The following PRPF4 variants were observed in gnomAD, a reference collection of about 807,000 sequenced individuals.
PRPF4 encodes pre-mRNA splicing tri-snRNP complex factor PRPF4.
Under a neutral mutation model 72.2 loss-of-function variants are expected in PRPF4, and 14 were observed. That is an observed-to-expected ratio of 0.19 (90% CI 0.13 to 0.30). The LOEUF is 0.30. Among genes scored for constraint, PRPF4 ranks in the 10% least tolerant of loss-of-function variants. PRPF4 has a pLI of 1.00. For missense variants in PRPF4, 478 were observed against 653.9 expected, an observed-to-expected ratio of 0.73 and a Z score of 2.93; for synonymous variants, 225 against 232.2, an observed-to-expected ratio of 0.97 and a Z score of 0.28.
intron 10 of PRPF4, 59 bp from the exon 11 acceptor site, chr9:113,290,407 T>C: frequency 1.9e-6 from 3 of 1,609,196 alleles, no homozygotes; most frequent in Non-Finnish European, 2.5e-6. Context: ...GAATACTTTA[T>C]GTGTTGTAGA....
At chr9:113,283,352 C>A in intron 5 of PRPF4, 37 bp from the exon 6 acceptor site, 1 of 1,613,744 alleles carries the variant, frequency 6.2e-7, no homozygotes, top group Non-Finnish European at 8.5e-7. Flanking sequence ...TTGTTTACAA[C>A]CCTGTTGCTC....
Position 113,285,344 on chromosome 9 carries a change from T to A in PRPF4, c.750-888T>A, listed in dbSNP as rs1273229752. 1.6e-3 allele frequency among the ~76,000 whole-genome samples: 7 copies of A among 4,346 alleles called. No homozygotes were observed. The East Asian group carries it at 0.036, about 22-fold the overall frequency. 2.9% of individuals were successfully genotyped at this position (4,346 alleles called of 152,430 possible). On this transcript the variant is annotated intron_variant, in intron 7 of 13. Transcript: ENST00000374198. ...AATAGTGAGACCCTGTCTCTACAAA[T>A]TTTTTTTTTTTTTTTTTTTTTTTTT...
chr9:113,291,393 C>T (rs1329611037), intron 13 of PRPF4, 74 bp from the exon 14 acceptor site: 40 of 1,428,384 alleles, frequency 2.8e-5, no homozygotes, highest in Non-Finnish European at 3.7e-5. Context: ...TATGTTTTTG[C>T]AGACTTTTGT....
At position 113,288,520 on chromosome 9, in the gene PRPF4, G is replaced by A. The variant is rs534141544; in HGVS notation, c.1022+256G>A. Among the ~76,000 whole-genome samples the A allele has an allele frequency of 2.5e-3, 384 of 150,694 alleles. 1 individual carries two copies. Among genetic ancestry groups the A allele is most frequent in the African/African-American group, 9.1e-3 (372 of 41,010 alleles). ...GGCGCGATCTCGGCTCACTGCAACC[G>A]CCGTCTCCCGGGTTCAAGCAATTCT... On this transcript the variant is annotated intron_variant, in intron 10 of 13. Coordinates refer to ENST00000374198, the MANE Select transcript of PRPF4 (RefSeq NM_001244926.2).
At chr9:113,290,628 CT>C in intron 11 of PRPF4, 40 bp downstream of exon 11, 1 of 1,614,112 alleles carries the variant, frequency 6.2e-7, no homozygotes, top group Non-Finnish European at 8.5e-7. Flanking sequence ...GTTCAGTACT[CT>C]CACCTCTTAC....
At chr9:113,276,758 C>G (rs760490257) in intron 2 of PRPF4, 33 bp downstream of exon 2, 3 of 1,568,600 alleles carry the variant, frequency 1.9e-6, no homozygotes, top group South Asian at 1.2e-5. Context: ...ATCTTTACCT[C>G]TTTGTGTAAT....
chr9:113,279,164 A>G lies in PRPF4; in HGVS notation c.392+33A>G, dbSNP rs746410690. The G allele has an allele frequency of 1.7e-5, 26 of 1,575,048 alleles. No individual in the cohort carries two copies. The South Asian group carries it at 3.0e-4, about 18-fold the overall frequency. On this transcript the variant is annotated intron_variant, in intron 3 of 13. Transcript: ENST00000374198. ...TTCTAAATATTTACTTTTTTTCTTT[A>G]TTATAATCACAGGGTTCTACTCCAA...
At chr9:113,277,800 A>G (rs1309338790) in intron 2 of PRPF4, among the ~76,000 whole-genome samples, 1 of 152,140 alleles carries the variant, frequency 6.6e-6, no homozygotes, top group Non-Finnish European at 1.5e-5. Flanking sequence ...CCAGGAATCC[A>G]AGACCAGCCT....
In PRPF4 at chr9:113,288,182, C is replaced by A. The variant is rs1405785416; in HGVS notation, c.940C>A (p.Pro314Thr). The A allele has an allele frequency of 1.4e-5, 23 of 1,614,126 alleles. No individual in the cohort carries two copies. Among genetic ancestry groups the A allele is most frequent in the Non-Finnish European group, 1.9e-5 (23 of 1,179,990 alleles). The change falls in exon 10 of 14, where the codon CCA (proline) becomes ACA (threonine). Residue 314 changes from proline (P) to threonine (T), a missense_variant. Coordinates refer to ENST00000374198, the MANE Select transcript of PRPF4 (RefSeq NM_001244926.2). ...VKLWSLDSDE[P>T]VADIEGHTVR... ...TGTTTGGTTCCTTTCCAGTGATGAA[C>A]CAGTGGCAGATATTGAAGGCCATAC...
rs766838851 is a variant in PRPF4, at chr9:113,291,617, C to G, written c.1523C>G (p.Thr508Ser). The change falls in exon 14 of 14, where the codon ACT (threonine) becomes AGT (serine). Residue 508 changes from threonine to serine, a missense_variant. Thr to Ser is a moderately conservative substitution (Grantham distance 58). Transcript: ENST00000374198. Reference sequence around the variant, plus strand: ...TCTTCCGATGGGCAGCTCATAGCCACTTGCTCATATGACAGGACCTTCAAG... The same window carrying G: ...TCTTCCGATGGGCAGCTCATAGCCAGTTGCTCATATGACAGGACCTTCAAG... ...DISSDGQLIA[T>S]CSYDRTFKLW... 8 of 1,614,214 alleles carry G rather than the reference C, an allele frequency of 5.0e-6. No individual in the cohort carries two copies. The Admixed American group carries it at 8.3e-5, about 17-fold the overall frequency.
In PRPF4 at chr9:113,291,894, G is replaced by A. The variant is rs1486844304; in HGVS notation, c.*234G>A. On this transcript the variant is annotated 3_prime_UTR_variant, in exon 14 of 14. Transcript: ENST00000374198. ...TTATTACCTTTTTACGCCCTGCCAC[G>A]AACTGTGTAGACATTGTTTTTATTA... 12 of 466,964 alleles carry A rather than the reference G, an allele frequency of 2.6e-5. No individual in the cohort carries two copies. The highest frequency in any genetic ancestry group is 1.3e-4 in the South Asian group (5 of 39,714). 28.9% of individuals were successfully genotyped at this position (466,964 alleles called of 1,614,324 possible).
chr9:113,285,940 T>C (rs1276946399), intron 7 of PRPF4, among the ~76,000 whole-genome samples: 1 of 152,100 alleles, frequency 6.6e-6, no homozygotes, highest in Non-Finnish European at 1.5e-5. Context: ...TTAATATTCG[T>C]ATTATTGGAT....
At chr9:113,281,348 C>G (rs12005543) in intron 3 of PRPF4, among the ~76,000 whole-genome samples, 7,178 of 152,114 alleles carry the variant, frequency 0.047, 550 homozygotes, top group African/African-American at 0.16. Context: ...TTTTTTCCAC[C>G]AGCAAAGTCT....
At chr9:113,284,442 A>G in intron 7 of PRPF4, 53 bp downstream of exon 7, 1 of 1,460,348 alleles carries the variant, frequency 6.8e-7, no homozygotes, top group Non-Finnish European at 9.6e-7. Flanking sequence ...CAGGCTCAGG[A>G]AGAAAATTAG....
chr9:113,281,102 G>A (rs1832267179), intron 3 of PRPF4, among the ~76,000 whole-genome samples: 1 of 152,080 alleles, frequency 6.6e-6, no homozygotes, highest in Non-Finnish European at 1.5e-5. Flanking sequence ...CAAGTGATCC[G>A]CCTGCCTGGG....
At chr9:113,284,067 CA>C (rs538497931) in intron 6 of PRPF4, among the ~76,000 whole-genome samples, 23,640 of 80,196 alleles carry the variant, frequency 0.29, 1,480 homozygotes, top group Non-Finnish European at 0.31. Context: ...GACTCTGTCT[CA>C]AAAAAAAAAA....
intron 4 of PRPF4, 59 bp from the exon 5 acceptor site, chr9:113,283,073 G>C: frequency 6.2e-7 from 1 of 1,610,790 alleles, no homozygotes; most frequent in Non-Finnish European, 8.5e-7. Context: ...AGAAATGACA[G>C]TTATAAGAGG....
intron 3 of PRPF4, among the ~76,000 whole-genome samples, chr9:113,282,442 A>G (rs1295304147): frequency 1.3e-5 from 2 of 151,176 alleles, no homozygotes; most frequent in East Asian, 3.9e-4. Flanking sequence ...ACTGCACTCC[A>G]CCCTGGGCAA....
intron 3 of PRPF4, among the ~76,000 whole-genome samples, chr9:113,280,664 T>G (rs1478645648): frequency 6.6e-6 from 1 of 152,226 alleles, no homozygotes; most frequent in Non-Finnish European, 1.5e-5. Flanking sequence ...CTTCTCATAC[T>G]TGGAGTAAAA....
Sources: gnomAD v4.1 joint callset for allele counts (sites outside exome capture counted in the v4.1 genomes callset) on GRCh38, gnomAD v4.1.1 for gene constraint, MANE v1.5 for transcripts, NCBI Gene and HGNC (gene_info 2026-07-23, HGNC 2026-07-21) for gene names.